The following NAV2 variants were observed in gnomAD, a reference collection of about 807,000 sequenced individuals.
NAV2 encodes the protein helicase, APC down-regulated 1.
NAV2 carries 54 observed loss-of-function variants against 223.2 expected under a neutral mutation model. That is an observed-to-expected ratio of 0.24 (90% CI 0.19 to 0.30). The LOEUF (loss-of-function observed/expected upper bound fraction) is 0.30, where lower values mean the gene tolerates loss of function less well. NAV2 is among the 10% of genes least tolerant of loss of function. NAV2 has a pLI of 1.00. For missense variants in NAV2, 2,806 were observed against 3,147.5 expected, an observed-to-expected ratio of 0.89 and a Z score of 2.60; for synonymous variants, 1,279 against 1,239.3, an observed-to-expected ratio of 1.03 and a Z score of -0.67.
At chr11:20,056,741 C>G in intron 19 of NAV2, 1 of 716,814 alleles carries the variant, frequency 1.4e-6, no homozygotes, top group South Asian at 1.6e-5. Flanking sequence ...AGGAGTCAGA[C>G]TAGCAGAGTT....
intron 1 of NAV2, among the ~76,000 whole-genome samples, chr11:19,425,814 A>T (rs1318854587): frequency 2.0e-5 from 3 of 152,148 alleles, no homozygotes; most frequent in Non-Finnish European, 4.4e-5. Context: ...GTTATTGAGG[A>T]TGTTAAAGGA....
intron 6 of NAV2, among the ~76,000 whole-genome samples, chr11:19,894,085 T>G (rs1207614295): frequency 1.3e-5 from 2 of 152,226 alleles, no homozygotes; most frequent in Admixed American, 1.3e-4. Context: ...TGTTTTTACA[T>G]TGATGTGTAA....
At position 19,934,263 on chromosome 11, in the gene NAV2, A is replaced by C; in HGVS notation, c.2019A>C (p.Ala673=). ...ACCATCCCAACACTGCCACGGTTGC[A>C]CCTTTCCTGTACAGGTAGGAGCTGC... is the stretch of plus-strand genomic sequence containing the variant. ...QYNHPNTATV[A]PFLYRSQTDT... is the part of the protein sequence containing the mutation. The change falls in exon 7 of 38, where the codon GCA becomes GCC. Residue 673 remains alanine, a synonymous_variant. Transcript: ENST00000349880. 1.9e-6 allele frequency: 3 copies of C among 1,596,946 alleles called. No individual in the cohort carries two copies. Among genetic ancestry groups the C allele is most frequent in the Non-Finnish European group, 2.6e-6 (3 of 1,171,196 alleles).
At chr11:20,084,286 C>T (rs1044147462) in intron 26 of NAV2, among the ~76,000 whole-genome samples, 6 of 152,094 alleles carry the variant, frequency 3.9e-5, no homozygotes, top group African/African-American at 9.7e-5. Context: ...TTAGTAGAGA[C>T]GAGGTTTCAC....
chr11:20,095,623 C>A, intron 29 of NAV2, 49 bp from the exon 30 acceptor site: 1 of 1,357,422 alleles, frequency 7.4e-7, no homozygotes, highest in Non-Finnish European at 1.1e-6. Flanking sequence ...TGAACTGAGT[C>A]AGAAAAGATC....
At chr11:19,513,360 A>G (rs1312643847) in intron 1 of NAV2, among the ~76,000 whole-genome samples, 1 of 152,230 alleles carries the variant, frequency 6.6e-6, no homozygotes, top group Admixed American at 6.5e-5. Flanking sequence ...ACTGTAGAGT[A>G]GGGCTACTTT....
chr11:19,394,205 G>A (rs908384724), intron 1 of NAV2, among the ~76,000 whole-genome samples: 2 of 152,130 alleles, frequency 1.3e-5, no homozygotes, highest in South Asian at 2.1e-4. Flanking sequence ...TGGCCCAATG[G>A]TGTCTCATGA....
intron 22 of NAV2, among the ~76,000 whole-genome samples, chr11:20,076,811 C>G (rs575440933): frequency 4.1e-4 from 63 of 152,200 alleles, no homozygotes; most frequent in Non-Finnish European, 7.2e-4. Context: ...TTACTTATAA[C>G]TGGAAGCATT....
Position 19,428,384 on chromosome 11 carries a change from G to T in NAV2, c.75+77357G>T, listed in dbSNP as rs573159749. Among the ~76,000 whole-genome samples, 37 of 152,300 alleles carry T rather than the reference G, an allele frequency of 2.4e-4. No individual in the cohort carries two copies. The East Asian group carries it at 6.2e-3, about 25-fold the overall frequency. On this transcript the variant is annotated intron_variant, in intron 1 of 37. Transcript: ENST00000360655. ...GAAATTTTGCCAGCTGCAAAGTGGGGCTGAACCAATTAATGTGGGGCCTCA... is the reference window on the plus strand; with the variant it reads ...GAAATTTTGCCAGCTGCAAAGTGGGTCTGAACCAATTAATGTGGGGCCTCA...
At chr11:19,547,056 C>T (rs1175285250) in intron 1 of NAV2, among the ~76,000 whole-genome samples, 3 of 152,232 alleles carry the variant, frequency 2.0e-5, no homozygotes, top group Non-Finnish European at 4.4e-5. Flanking sequence ...CTGTGTCCTG[C>T]TGCCTTTGAA....
intron 36 of NAV2, chr11:20,114,316 G>T (rs1283784350): frequency 1.9e-6 from 1 of 514,514 alleles, no homozygotes; most frequent in East Asian, 3.3e-5. Flanking sequence ...AGAGTTTAGG[G>T]TCACACGGTG....
intron 1 of NAV2, among the ~76,000 whole-genome samples, chr11:19,576,075 A>G (rs1471876575): frequency 6.6e-6 from 1 of 152,200 alleles, no homozygotes; most frequent in Non-Finnish European, 1.5e-5. Context: ...AGTGTATGGC[A>G]GAAAAAGTGC....
At chr11:19,904,430 A>G (rs1251414301) in intron 6 of NAV2, among the ~76,000 whole-genome samples, 2 of 152,166 alleles carry the variant, frequency 1.3e-5, no homozygotes, top group African/African-American at 2.4e-5. Context: ...GAGGGGTACT[A>G]TGAATGAACT....
chr11:19,729,338 GCT>G (rs2051534162), intron 1 of NAV2, among the ~76,000 whole-genome samples: 1 of 151,070 alleles, frequency 6.6e-6, no homozygotes, highest in African/African-American at 2.4e-5. Flanking sequence ...ACGGTGGAGA[GCT>G]CTGGTGGACA....
rs2047127148 is a variant in NAV2, at chr11:19,948,583, C to T, written c.2256-108C>T. The T allele has an allele frequency of 2.0e-5, 25 of 1,252,388 alleles. No homozygotes were observed. In the South Asian group the frequency reaches 4.5e-4, roughly 22 times the overall value. The allele number at this position is 1,252,388 out of a possible 1,614,324, so 77.6% of individuals were successfully genotyped here. On this transcript the variant is annotated intron_variant, in intron 9 of 37. Coordinates refer to ENST00000349880, the MANE Select transcript of NAV2 (RefSeq NM_145117.5). ...GTACATGGGGGCTGGCTGTTTTATCCTATTTTATATATGAGGATTATTTCA... is the reference window on the plus strand; with the variant it reads ...GTACATGGGGGCTGGCTGTTTTATCTTATTTTATATATGAGGATTATTTCA...
At chr11:19,635,429 C>G (rs2047467850) in intron 1 of NAV2, among the ~76,000 whole-genome samples, 1 of 152,046 alleles carries the variant, frequency 6.6e-6, no homozygotes, top group African/African-American at 2.4e-5. Flanking sequence ...CTGTCTTAGT[C>G]AGTCTAGTGT....
chr11:19,583,319 T>G (rs1303807253), intron 1 of NAV2, among the ~76,000 whole-genome samples: 2 of 152,232 alleles, frequency 1.3e-5, no homozygotes, highest in South Asian at 4.1e-4. Flanking sequence ...CATGTCATCT[T>G]CAAACAGGGA....
At position 19,725,914 on chromosome 11, in the gene NAV2, G is replaced by A. The variant is rs148405023; in HGVS notation, c.267+11952G>A. ...CCATTGCTGTTTTTAAGAGTGTCTC[G>A]TCACCTGGATTGTGAGGAAGCAGGC... On this transcript the variant is annotated intron_variant, in intron 1 of 37. Transcript: ENST00000349880. 7.9e-5 allele frequency among the ~76,000 whole-genome samples: 12 copies of A among 152,278 alleles called. No homozygotes were observed. In the East Asian group the frequency reaches 2.1e-3, roughly 27 times the overall value.
chr11:19,778,073 C>A, intron 1 of NAV2: 1 of 426,866 alleles, frequency 2.3e-6, no homozygotes, highest in Non-Finnish European at 4.8e-6. Flanking sequence ...GGTGCAGGTA[C>A]TTTTTCCCTC....
Sources: allele counts gnomAD v4.1 joint callset (sites outside exome capture counted in the v4.1 genomes callset), GRCh38; gene constraint gnomAD v4.1.1; transcripts MANE v1.5; gene names NCBI Gene and HGNC (gene_info 2026-07-23, HGNC 2026-07-21).